The following NALF1 variants were observed in gnomAD, a reference collection of about 807,000 sequenced individuals.
NALF1 encodes the protein NALCN channel auxiliary factor 1.
Under a neutral mutation model 48.4 loss-of-function variants are expected in NALF1, and 3 were observed. The ratio of observed to expected loss-of-function variants is 0.06; its 90% CI spans 0.03 to 0.16. The LOEUF (loss-of-function observed/expected upper bound fraction) is 0.16, where lower values mean the gene tolerates loss of function less well. NALF1 is among the 10% of genes least tolerant of loss of function. NALF1 has a pLI of 1.00. For synonymous variants in NALF1, 262 were observed against 245.7 expected (o/e 1.07, Z -0.62); for missense variants, 526 against 571.5 (o/e 0.92, Z 0.81).
chr13:107,554,561 C>T (rs1222914991), intron 1 of NALF1, among the ~76,000 whole-genome samples: 2 of 152,158 alleles, frequency 1.3e-5, no homozygotes, highest in Non-Finnish European at 2.9e-5. Flanking sequence ...ATCAGAGGCC[C>T]AGAGAGGCTG....
At chr13:107,586,743 C>T (rs1220483690) in intron 1 of NALF1, among the ~76,000 whole-genome samples, 4 of 147,478 alleles carry the variant, frequency 2.7e-5, no homozygotes, top group African/African-American at 1.0e-4. Flanking sequence ...CAAAATGCCA[C>T]TACTTTTTGT....
chr13:107,522,237 C>T (rs1040346268), intron 1 of NALF1, among the ~76,000 whole-genome samples: 8 of 152,106 alleles, frequency 5.3e-5, no homozygotes, highest in Non-Finnish European at 8.8e-5. Context: ...ATATTTTTCT[C>T]GTATTTCGTA....
chr13:107,833,340 A>G (rs1314180307), intron 1 of NALF1, among the ~76,000 whole-genome samples: 1 of 152,160 alleles, frequency 6.6e-6, no homozygotes, highest in Admixed American at 6.5e-5. Context: ...GTATGATTTT[A>G]CACTCGGTTC....
intron 1 of NALF1, among the ~76,000 whole-genome samples, chr13:107,859,843 A>C (rs1880522144): frequency 7.0e-6 from 1 of 143,450 alleles, no homozygotes; most frequent in Non-Finnish European, 1.5e-5. Context: ...TGAACTCAGG[A>C]GGAGGAGGTT....
chr13:107,818,117 T>C (rs889092694), intron 1 of NALF1, among the ~76,000 whole-genome samples: 2 of 152,194 alleles, frequency 1.3e-5, no homozygotes, highest in Non-Finnish European at 2.9e-5. Context: ...CTCTGGTATA[T>C]GATGGCATCG....
chr13:107,598,531 A>C (rs1878822737), intron 1 of NALF1, among the ~76,000 whole-genome samples: 1 of 152,186 alleles, frequency 6.6e-6, no homozygotes, highest in South Asian at 2.1e-4. Context: ...TGCATATCAA[A>C]TTTAATGTGT....
At chr13:107,682,782 G>A (rs894122355) in intron 1 of NALF1, among the ~76,000 whole-genome samples, 2 of 152,242 alleles carry the variant, frequency 1.3e-5, no homozygotes, top group Non-Finnish European at 2.9e-5. Flanking sequence ...CTGCATTGGG[G>A]CATGAATCAG....
chr13:107,222,135 G>A (rs1004025624), intron 1 of NALF1, among the ~76,000 whole-genome samples: 3 of 152,104 alleles, frequency 2.0e-5, no homozygotes, highest in African/African-American at 7.2e-5. Flanking sequence ...ATCTTAATTA[G>A]GAAGGAGCCA....
intron 1 of NALF1, among the ~76,000 whole-genome samples, chr13:107,731,526 T>C (rs2138536095): frequency 6.6e-6 from 1 of 152,254 alleles, no homozygotes; most frequent in African/African-American, 2.4e-5. Context: ...CCAACAGTTA[T>C]TATTTTCTGT....
chr13:107,544,380 G>A (rs1401633248), intron 1 of NALF1, among the ~76,000 whole-genome samples: 1 of 152,014 alleles, frequency 6.6e-6, no homozygotes, highest in African/African-American at 2.4e-5. Context: ...TATTTCAAAT[G>A]ACTCAAGCCA....
intron 1 of NALF1, among the ~76,000 whole-genome samples, chr13:107,423,069 A>C (rs1307569588): frequency 6.6e-6 from 1 of 152,186 alleles, no homozygotes; most frequent in African/African-American, 2.4e-5. Context: ...TCTCACCCCT[A>C]CATTCGTGTT....
In NALF1 at chr13:107,866,768, CT is replaced by C; in HGVS notation, c.-173del. 1.7e-6 allele frequency: 1 copy of C among 600,878 alleles called. No homozygotes were observed. The highest frequency in any genetic ancestry group is 4.4e-4 in the Middle Eastern group (1 of 2,258). 37.2% of individuals were successfully genotyped at this position (600,878 alleles called of 1,614,324 possible). The stretch of plus-strand genomic sequence containing the variant: ...CTCTCCCTCTCTCCTCTCTCTCTCT[CT>C]CCCTCTCCCTCTCTTTTATCTCTCT... On this transcript the variant is annotated 5_prime_UTR_variant, in exon 1 of 3. Transcript: ENST00000375915. This position sits in a 1 kb window ranked among gnomAD's most constrained non-coding sequence, Gnocchi z 4.4.
At chr13:107,410,797 A>G (rs9587378) in intron 1 of NALF1, among the ~76,000 whole-genome samples, 33,408 of 152,108 alleles carry the variant, frequency 0.22, 4,094 homozygotes, top group Middle Eastern at 0.28. Context: ...AAGGACAATA[A>G]TGATTAATAT....
intron 1 of NALF1, among the ~76,000 whole-genome samples, chr13:107,587,770 TATTAG>T: frequency 6.6e-6 from 1 of 152,140 alleles, no homozygotes; most frequent in Non-Finnish European, 1.5e-5. Flanking sequence ...ATTATTTTTT[TATTAG>T]ATTAATTGTT....
chr13:107,823,543 G>A (rs1879419414), intron 1 of NALF1, among the ~76,000 whole-genome samples: 1 of 152,140 alleles, frequency 6.6e-6, no homozygotes, highest in Admixed American at 6.5e-5. Flanking sequence ...AAGGTCCTCT[G>A]TGCTCTGGTC....
At chr13:107,571,173 T>C (rs1566398029) in intron 1 of NALF1, among the ~76,000 whole-genome samples, 1 of 152,236 alleles carries the variant, frequency 6.6e-6, no homozygotes, top group African/African-American at 2.4e-5. Context: ...ATTTCCTGAA[T>C]GGTCCAGGTG....
intron 1 of NALF1, among the ~76,000 whole-genome samples, chr13:107,757,549 G>T (rs973858209): frequency 2.0e-5 from 3 of 151,636 alleles, no homozygotes; most frequent in Non-Finnish European, 4.4e-5. Flanking sequence ...AGGAGCCATG[G>T]TTAATATAAA....
intron 1 of NALF1, among the ~76,000 whole-genome samples, chr13:107,379,375 T>C (rs932438515): frequency 1.3e-5 from 2 of 152,184 alleles, no homozygotes; most frequent in Non-Finnish European, 2.9e-5. Context: ...TAACTCTCCA[T>C]TAGTTTCTCA....
intron 1 of NALF1, among the ~76,000 whole-genome samples, chr13:107,340,487 TTTTG>T (rs1214804029): frequency 2.2e-4 from 8 of 36,868 alleles, no homozygotes; most frequent in Admixed American, 1.1e-3. Context: ...CTTTCTTTCT[TTTTG>T]TCTTTCTTTC....
Sources: gnomAD v4.1 joint callset for allele counts (sites outside exome capture counted in the v4.1 genomes callset) on GRCh38, gnomAD v4.1.1 for gene constraint, Gnocchi (gnomAD v3.1) non-coding constraint, MANE v1.5 for transcripts, NCBI Gene and HGNC (gene_info 2026-07-23, HGNC 2026-07-21) for gene names.